G3BP1: variants seen among roughly 807,000 people sequenced by gnomAD.
G3BP1 encodes ras GTPase-activating protein-binding protein 1.
Under a neutral mutation model 58.6 loss-of-function variants are expected in G3BP1, and 35 were observed. That is an observed-to-expected ratio of 0.60 (90% CI 0.46 to 0.79). The LOEUF (loss-of-function observed/expected upper bound fraction) is 0.79. Ranked by LOEUF, G3BP1 falls within the 30% of genes least tolerant of loss-of-function variation. The pLI is 0.00. For missense variants in G3BP1, 523 were observed against 580.8 expected, an observed-to-expected ratio of 0.90 and a Z score of 1.02; for synonymous variants, 191 against 195.4, an observed-to-expected ratio of 0.98 and a Z score of 0.19.
In G3BP1 at chr5:151,807,962, C is replaced by T. The variant is rs1762963124; in HGVS notation, c.*3871C>T. The T allele has an allele frequency of 6.6e-6, 1 of 152,038 alleles. No individual in the cohort carries two copies. 9.4% of individuals were successfully genotyped at this position (152,038 alleles called of 1,614,324 possible). A position where few individuals can be genotyped will look rare whatever the true frequency, so the allele number is the denominator to read the frequency against. On this transcript the variant is annotated 3_prime_UTR_variant, in exon 12 of 12. Transcript: ENST00000356245. ...ATGCTGCATATAGATAATTGTTGAC[C>T]TTTTTAGTTCAGCAGTTTTTAAACT...
Position 151,795,673 on chromosome 5 carries a change from C to G in G3BP1, c.539+98C>G, listed in dbSNP as rs1762736956. On this transcript the variant is annotated intron_variant, in intron 6 of 11. Coordinates refer to ENST00000356245, the MANE Select transcript of G3BP1 (RefSeq NM_005754.3). ...GGCATTTACATATTCTGAGAATTAC[C>G]TCAAAATAATAATTTCTCAGAAGAA... The G allele has an allele frequency of 3.0e-5, 18 of 606,424 alleles. No homozygotes were observed. In the South Asian group the frequency reaches 4.1e-4, roughly 14 times the overall value. The allele number at this position is 606,424 out of a possible 1,614,324, so 37.6% of individuals were successfully genotyped here. A position where few individuals can be genotyped will look rare whatever the true frequency, so the allele number is the denominator to read the frequency against.
chr5:151,787,556 A>G (rs554314077), intron 2 of G3BP1, among the ~76,000 whole-genome samples: 9 of 152,300 alleles, frequency 5.9e-5, no homozygotes, highest in Admixed American at 5.2e-4. Flanking sequence ...GTATCCCATT[A>G]ATTTTAGTGG....
Position 151,796,420 on chromosome 5 carries a change from C to A in G3BP1, c.540-807C>A, listed in dbSNP as rs1024274545. ...AGTAGCTGGGACTACAGGCGCACGC[C>A]ACCATGCCCGGCTAAGTTTTGTGTT... is the stretch of plus-strand genomic sequence containing the variant. On this transcript the variant is annotated intron_variant, in intron 6 of 11. Transcript: ENST00000356245. Among the ~76,000 whole-genome samples the A allele has an allele frequency of 3.3e-5, 5 of 152,186 alleles. No individual in the cohort carries two copies. In the East Asian group the frequency reaches 9.6e-4, roughly 29 times the overall value.
At chr5:151,785,362 G>C (rs192501635) in intron 1 of G3BP1, among the ~76,000 whole-genome samples, 4 of 152,320 alleles carry the variant, frequency 2.6e-5, no homozygotes, top group Admixed American at 2.6e-4. Flanking sequence ...GATGGAACTA[G>C]ATGAGAGTAA....
intron 7 of G3BP1, among the ~76,000 whole-genome samples, chr5:151,797,728 A>C (rs963447832): frequency 2.6e-5 from 4 of 152,226 alleles, no homozygotes; most frequent in Non-Finnish European, 4.4e-5. Flanking sequence ...TTTAATATTT[A>C]ATCTTTTACA....
chr5:151,801,095 A>G (rs1581583547), intron 11 of G3BP1, among the ~76,000 whole-genome samples: 1 of 152,154 alleles, frequency 6.6e-6, no homozygotes, highest in Non-Finnish European at 1.5e-5. Flanking sequence ...AATTATGAGA[A>G]TGAGAAAATG....
chr5:151,786,892 G>A (rs144992162), intron 2 of G3BP1, 177 bp downstream of exon 2: 7,335 of 534,040 alleles, frequency 0.014, 74 homozygotes, highest in Non-Finnish European at 0.02. Context: ...GTCCAGACTG[G>A]AGTGCAGTGG....
rs1041200244 is a variant in G3BP1, at chr5:151,807,744, G to A, written c.*3653G>A. On this transcript the variant is annotated 3_prime_UTR_variant, in exon 12 of 12. Transcript: ENST00000356245. Reference sequence around the variant, plus strand: ...TTGAAAAACCCTTGTAGAATTTAACGATTTAATGGAAAATGTTGCACTTTA... The same window carrying A: ...TTGAAAAACCCTTGTAGAATTTAACAATTTAATGGAAAATGTTGCACTTTA... The A allele has an allele frequency of 2.0e-5, 3 of 152,210 alleles. 1 individual carries two copies. In the South Asian group the frequency reaches 6.2e-4, roughly 32 times the overall value. The allele number at this position is 152,210 out of a possible 1,614,324, so 9.4% of individuals were successfully genotyped here.
At chr5:151,796,256 C>G (rs1762746693) in intron 6 of G3BP1, among the ~76,000 whole-genome samples, 1 of 152,084 alleles carries the variant, frequency 6.6e-6, no homozygotes, top group Non-Finnish European at 1.5e-5. Flanking sequence ...GGAGGCAAAA[C>G]ATCTGCAGTT....
intron 3 of G3BP1, among the ~76,000 whole-genome samples, 199 bp downstream of exon 3, chr5:151,790,603 A>G (rs1935688667): frequency 6.6e-6 from 1 of 152,286 alleles, no homozygotes; most frequent in Admixed American, 6.5e-5. Context: ...ATTTTGTATG[A>G]TATATTCTAA....
intron 7 of G3BP1, among the ~76,000 whole-genome samples, chr5:151,797,972 C>T (rs760480856): frequency 2.4e-4 from 37 of 152,158 alleles, no homozygotes; most frequent in Admixed American, 1.3e-3. Flanking sequence ...TCGTTGAAAC[C>T]TTTGCATTTG....
intron 6 of G3BP1, among the ~76,000 whole-genome samples, chr5:151,796,046 T>G (rs1762743569): frequency 6.6e-6 from 1 of 152,210 alleles, no homozygotes; most frequent in South Asian, 2.1e-4. Context: ...CCCTTGTGAT[T>G]AGAACAGAAA....
intron 4 of G3BP1, chr5:151,791,665 C>CT (rs1230539026): frequency 5.1e-4 from 79 of 156,374 alleles, no homozygotes; most frequent in African/African-American, 1.4e-3. Flanking sequence ...CTCTCTCTCT[C>CT]TTTTTTTTTG....
intron 1 of G3BP1, 66 bp from the exon 2 acceptor site, chr5:151,786,506 T>C: frequency 1.4e-6 from 1 of 707,466 alleles, no homozygotes; most frequent in Non-Finnish European, 2.6e-6. Flanking sequence ...CTTGCTGAAA[T>C]GATCTTGTCT....
intron 1 of G3BP1, among the ~76,000 whole-genome samples, chr5:151,784,626 T>G (rs1762528239): frequency 6.6e-6 from 1 of 152,208 alleles, no homozygotes; most frequent in Admixed American, 6.5e-5. Flanking sequence ...ATAACTAATG[T>G]AGAATTTGTG....
Position 151,786,708 on chromosome 5 carries a change from C to T in G3BP1, c.88C>T (p.Leu30=). The T allele has an allele frequency of 6.3e-7, 1 of 1,596,754 alleles. No individual in the cohort carries two copies. The highest frequency in any genetic ancestry group is 8.6e-7 in the Non-Finnish European group (1 of 1,164,252). ...YTLLNQAPDM[L]HRFYGKNSSY... ...ACTGCTGAACCAGGCCCCAGACATG[C>T]TGCATAGGTAAGACATTTTTCTCCT... Residue 30 remains leucine (L), a synonymous_variant, in exon 2 of 12, where the codon CTG becomes TTG. Transcript: ENST00000356245.
chr5:151,790,572 TATGTG>T (rs111968042), intron 3 of G3BP1, among the ~76,000 whole-genome samples, 168 bp downstream of exon 3: 478 of 152,336 alleles, frequency 3.1e-3, no homozygotes, highest in African/African-American at 0.011. Context: ...TTGAAATACT[TATGTG>T]ATGTCAGATT....
intron 1 of G3BP1, among the ~76,000 whole-genome samples, chr5:151,773,610 A>G (rs73281634): frequency 0.011 from 1,750 of 152,336 alleles, 32 homozygotes; most frequent in African/African-American, 0.04. Flanking sequence ...TGTTATAGAA[A>G]CACTTCTATA....
In G3BP1 at chr5:151,812,334, A is replaced by G. The variant is rs1336369776; in HGVS notation, c.*8243A>G. The G allele has an allele frequency of 4.6e-5, 7 of 152,204 alleles. No homozygotes were observed. The highest frequency in any genetic ancestry group is 8.8e-5 in the Non-Finnish European group (6 of 68,036). The allele number at this position is 152,204 out of a possible 1,614,324, so 9.4% of individuals were successfully genotyped here. Reference sequence around the variant, plus strand: ...CATGCCCTAGCTATTGGAAGTTCGTATCTAACTTTTACCCCTTGTGTGTCA... The same window carrying G: ...CATGCCCTAGCTATTGGAAGTTCGTGTCTAACTTTTACCCCTTGTGTGTCA... On this transcript the variant is annotated 3_prime_UTR_variant, in exon 12 of 12. Transcript: ENST00000356245.
Sources: allele counts gnomAD v4.1 joint callset (sites outside exome capture counted in the v4.1 genomes callset), GRCh38; gene constraint gnomAD v4.1.1; transcripts MANE v1.5; gene names NCBI Gene and HGNC (gene_info 2026-07-23, HGNC 2026-07-21).